Variants in EIF4H observed in about 807,000 individuals in gnomAD.
EIF4H encodes the protein eukaryotic translation initiation factor 4H.
EIF4H carries 8 observed loss-of-function variants against 30.6 expected under a neutral mutation model. The ratio of observed to expected loss-of-function variants is 0.26; its 90% CI spans 0.15 to 0.47. The LOEUF (loss-of-function observed/expected upper bound fraction) is 0.47. Ranked by LOEUF, EIF4H falls within the 20% of genes least tolerant of loss-of-function variation. The pLI is 0.99. For missense variants in EIF4H, 188 were observed against 339.5 expected (o/e 0.55, Z 3.51); for synonymous variants, 106 against 122.7 (o/e 0.86, Z 0.90).
chr7:74,192,963 C>T (rs1039411726), intron 5 of EIF4H, among the ~76,000 whole-genome samples: 3 of 152,166 alleles, frequency 2.0e-5, no homozygotes, highest in African/African-American at 7.2e-5. Flanking sequence ...CAGGCGTGAG[C>T]CACCACACCC....
chr7:74,180,024 A>C (rs1554708204), intron 1 of EIF4H, among the ~76,000 whole-genome samples: 1 of 152,076 alleles, frequency 6.6e-6, no homozygotes, highest in East Asian at 1.9e-4. Flanking sequence ...CAATATGTCC[A>C]GACCTGGTCT....
intron 1 of EIF4H, among the ~76,000 whole-genome samples, chr7:74,181,623 G>A (rs1800964364): frequency 6.6e-6 from 1 of 151,968 alleles, no homozygotes; most frequent in African/African-American, 2.4e-5. Flanking sequence ...CAGAGATAGA[G>A]CAGAAACAGA....
At chr7:74,179,510 T>C (rs1800910112) in intron 1 of EIF4H, among the ~76,000 whole-genome samples, 1 of 151,982 alleles carries the variant, frequency 6.6e-6, no homozygotes, top group Non-Finnish European at 1.5e-5. Context: ...TGGGCCCCTG[T>C]AGTCCCAGCT....
Position 74,195,324 on chromosome 7 carries a change from G to A in EIF4H, c.*16G>A. ...GCAAGAATGAGCCTGCGGTTGGGAG[G>A]GAATGGGGCGTGGGGGGTTAGAGCA... On this transcript the variant is annotated 3_prime_UTR_variant, in exon 7 of 7. Transcript: ENST00000265753. 6.2e-7 allele frequency: 1 copy of A among 1,611,528 alleles called. No individual in the cohort carries two copies. Among genetic ancestry groups the A allele is most frequent in the Non-Finnish European group, 8.5e-7 (1 of 1,178,812 alleles).
chr7:74,188,218 A>G (rs567996994), intron 2 of EIF4H, among the ~76,000 whole-genome samples: 1 of 152,324 alleles, frequency 6.6e-6, no homozygotes, highest in Non-Finnish European at 1.5e-5. Context: ...CCAGAAGAGA[A>G]GCAGCCAGTG....
At position 74,186,788 on chromosome 7, in the gene EIF4H, ATTTTTTTTTTTTTTTTTTT is replaced by A. The variant is rs564794579; in HGVS notation, c.60-789_60-771del. On this transcript the variant is annotated intron_variant, in intron 1 of 6. Coordinates refer to ENST00000265753, the MANE Select transcript of EIF4H (RefSeq NM_022170.2). ...GCCCATAATCAGGCAACAAGGAGAAATTTTTTTTTTTTTTTTTTTTTTTTTTTTTTTTTTTTTTTTTTTT... is the reference window on the plus strand; with the variant it reads ...GCCCATAATCAGGCAACAAGGAGAAATTTTTTTTTTTTTTTTTTTTTTTTT... Among the ~76,000 whole-genome samples, 390 of 70,078 alleles carry A rather than the reference ATTTTTTTTTTTTTTTTTTT, an allele frequency of 5.6e-3. 59 individuals are homozygous for A. The highest frequency in any genetic ancestry group is 0.019 in the East Asian group (42 of 2,216). 46.0% of individuals were successfully genotyped at this position (70,078 alleles called of 152,430 possible).
At position 74,196,775 on chromosome 7, in the gene EIF4H, T is replaced by G. The variant is rs1272911262; in HGVS notation, c.*1467T>G. 3 of 151,310 alleles carry G rather than the reference T, an allele frequency of 2.0e-5. No homozygotes were observed. The East Asian group carries it at 5.8e-4, about 29-fold the overall frequency. 9.4% of individuals were successfully genotyped at this position (151,310 alleles called of 1,614,324 possible). On this transcript the variant is annotated 3_prime_UTR_variant, in exon 7 of 7. Transcript: ENST00000265753. ...ACAAGGCCTCAGCAATCCACAGAAC[T>G]CTCTCTCCTTCCTTCCACCTGTCAG...
In EIF4H at chr7:74,178,394, A is replaced by G. The variant is rs117224847; in HGVS notation, c.59+3952A>G. Among the ~76,000 whole-genome samples, 127 of 152,274 alleles carry G rather than the reference A, an allele frequency of 8.3e-4. 1 individual carries two copies. In the East Asian group the frequency reaches 0.022, roughly 27 times the overall value. On this transcript the variant is annotated intron_variant, in intron 1 of 6. Transcript: ENST00000265753. ...GCAAAACCCCATGTCTACTAAAAAT[A>G]CAAAACGGGTGTGGCGGCACATACC...
At chr7:74,194,615 A>C in intron 5 of EIF4H, 126 bp from the exon 6 acceptor site, 2 of 1,320,592 alleles carry the variant, frequency 1.5e-6, no homozygotes, top group South Asian at 3.8e-5. Context: ...TATTTTGGAG[A>C]GACTTCAGAT....
chr7:74,178,453 A>G (rs1584172882), intron 1 of EIF4H, among the ~76,000 whole-genome samples: 2 of 151,888 alleles, frequency 1.3e-5, no homozygotes, highest in Admixed American at 1.3e-4. Context: ...CTGAGGCAGG[A>G]GAATTGCTTG....
intron 2 of EIF4H, 49 bp downstream of exon 2, chr7:74,187,847 G>A: frequency 7.0e-7 from 1 of 1,427,594 alleles, no homozygotes; most frequent in Non-Finnish European, 9.3e-7. Flanking sequence ...TGTAGGGGAG[G>A]ATGGGAAGGG....
intron 1 of EIF4H, chr7:74,183,906 T>G (rs1801023040): frequency 6.6e-6 from 1 of 152,274 alleles, no homozygotes; most frequent in Non-Finnish European, 1.5e-5. Flanking sequence ...GTGATTTCAT[T>G]GAATGGGATG....
intron 1 of EIF4H, among the ~76,000 whole-genome samples, chr7:74,183,163 CG>C (rs1336264341): frequency 6.6e-6 from 1 of 152,144 alleles, no homozygotes; most frequent in African/African-American, 2.4e-5. Context: ...CACTTGGAGC[CG>C]AAAGTAGGGT....
At chr7:74,187,506 T>C in intron 1 of EIF4H, 105 bp from the exon 2 acceptor site, 1 of 1,170,378 alleles carries the variant, frequency 8.5e-7, no homozygotes, top group Non-Finnish European at 1.2e-6. Flanking sequence ...TCGAGCAGAG[T>C]GCCTCACCTG....
intron 5 of EIF4H, among the ~76,000 whole-genome samples, chr7:74,191,940 C>T (rs918601584): frequency 1.3e-5 from 2 of 152,060 alleles, no homozygotes; most frequent in Non-Finnish European, 2.9e-5. Context: ...CCACCACGCC[C>T]GGCTAATTTT....
intron 1 of EIF4H, among the ~76,000 whole-genome samples, chr7:74,177,000 C>G (rs1346916899): frequency 6.6e-6 from 1 of 152,154 alleles, no homozygotes; most frequent in East Asian, 1.9e-4. Context: ...AACCACCGAT[C>G]CTGAGAATTA....
chr7:74,194,306 G>A (rs1409998237), intron 5 of EIF4H, among the ~76,000 whole-genome samples: 3 of 152,154 alleles, frequency 2.0e-5, no homozygotes, highest in Non-Finnish European at 4.4e-5. Flanking sequence ...GCGTTTTCTT[G>A]TGATTTTTGT....
intron 1 of EIF4H, 71 bp from the exon 2 acceptor site, chr7:74,187,540 G>C (rs1554709352): frequency 2.1e-6 from 3 of 1,415,390 alleles, no homozygotes. Context: ...GTAGCTCAGC[G>C]GAAGACCGCT....
rs540877104 is a variant in EIF4H at position 74,192,822 on chromosome 7, C to T, written c.470-1919C>T. On this transcript the variant is annotated intron_variant, in intron 5 of 6. Coordinates refer to ENST00000265753, the MANE Select transcript of EIF4H (RefSeq NM_022170.2). ...CCTCCCAAGTAGCTGGGATTACAGG[C>T]GCACACCACCACACCCAGCTAATTT... Among the ~76,000 whole-genome samples the T allele has an allele frequency of 1.7e-4, 26 of 151,916 alleles. No individual in the cohort carries two copies. The East Asian group carries it at 4.1e-3, about 24-fold the overall frequency.
Sources: allele counts gnomAD v4.1 joint callset (sites outside exome capture counted in the v4.1 genomes callset), GRCh38; gene constraint gnomAD v4.1.1; transcripts MANE v1.5; gene names NCBI Gene and HGNC (gene_info 2026-07-23, HGNC 2026-07-21).